Variants in CLEC7A observed in about 807,000 individuals in gnomAD.
CLEC7A encodes the protein C-type lectin domain family 7 member A.
CLEC7A carries 25 observed loss-of-function variants against 26.9 expected under a neutral mutation model. That is an observed-to-expected ratio of 0.93 (90% CI 0.68 to 1.30). CLEC7A has a LOEUF of 1.30. Ranked by LOEUF, CLEC7A falls within the 50% of genes most tolerant of loss-of-function variation. The pLI is 0.00. For missense variants in CLEC7A, 275 were observed against 286.7 expected (o/e 0.96, Z 0.29); for synonymous variants, 100 against 99.5 (o/e 1.01, Z -0.03).
In CLEC7A at chr12:10,126,961, G is replaced by T. The variant is rs1948310565; in HGVS notation, c.203-253C>A. On this transcript the variant is annotated intron_variant, in intron 2 of 5. Transcript: ENST00000304084. ...AAAAGAAGGTGGAGAAGAAGAAATA[G>T]AATGAGGGAGGCAGCAAGAGGCAAA... 1.3e-5 allele frequency: 13 copies of T among 1,017,488 alleles called. No individual in the cohort carries two copies. The South Asian group carries it at 1.8e-4, about 14-fold the overall frequency. 63.0% of individuals were successfully genotyped at this position (1,017,488 alleles called of 1,614,324 possible). A position where few individuals can be genotyped will look rare whatever the true frequency, so the allele number is the denominator to read the frequency against.
chr12:10,118,541 C>T lies in CLEC7A; in HGVS notation c.661G>A (p.Val221Ile). ...TAAATGACTGACACGTGAATCCATA[C>T]ACAATTTGGAGATGGGTTTTCTTGG... is the stretch of plus-strand genomic sequence containing the variant. ...ATQENPSPNC[V>I]WIHVSVIYDQ... Residue 221 changes from valine (V) to isoleucine (I), a missense_variant, in exon 6 of 6, where the codon GTA (valine) becomes ATA (isoleucine). Transcript: ENST00000304084. 1 of 1,613,110 alleles carries T rather than the reference C, an allele frequency of 6.2e-7. No individual in the cohort carries two copies. The highest frequency in any genetic ancestry group is 1.1e-5 in the South Asian group (1 of 91,066).
rs1947941974 is a variant in CLEC7A at position 10,117,367 on chromosome 12, A to T, written c.*1091T>A. On this transcript the variant is annotated 3_prime_UTR_variant, in exon 6 of 6. Coordinates refer to ENST00000304084, the MANE Select transcript of CLEC7A (RefSeq NM_197947.3). ...GACATGGAGAAACCCTGTCTCTACT[A>T]AAAAAATACAAAATTAGCCGGGTGT... The T allele has an allele frequency of 6.6e-6, 1 of 151,984 alleles. No individual in the cohort carries two copies. Among genetic ancestry groups the T allele is most frequent in the African/African-American group, 2.4e-5 (1 of 41,432 alleles). The allele number at this position is 151,984 out of a possible 1,614,324, so 9.4% of individuals were successfully genotyped here.
At chr12:10,127,221 G>A (rs1208573976) in intron 2 of CLEC7A, 4 of 1,234,276 alleles carry the variant, frequency 3.2e-6, no homozygotes, top group Non-Finnish European at 4.5e-6. Flanking sequence ...ACAAAATATC[G>A]ACTTAAGACC....
chr12:10,126,855 T>G (rs1948304019), intron 2 of CLEC7A, 147 bp from the exon 3 acceptor site: 1 of 666,646 alleles, frequency 1.5e-6, no homozygotes, highest in Non-Finnish European at 2.4e-6. Flanking sequence ...TGTGGAGAGA[T>G]AAAGACGATT....
At position 10,128,872 on chromosome 12, in the gene CLEC7A, A is replaced by C. The variant is rs773167616; in HGVS notation, c.104-1027T>G. Among the ~76,000 whole-genome samples, 41 of 152,236 alleles carry C rather than the reference A, an allele frequency of 2.7e-4. 1 individual carries two copies. Among genetic ancestry groups the C allele is most frequent in the Non-Finnish European group, 1.2e-4 (8 of 68,040 alleles). On this transcript the variant is annotated intron_variant, in intron 1 of 5. Coordinates refer to ENST00000304084, the MANE Select transcript of CLEC7A (RefSeq NM_197947.3). ...ATATTTGTGCAGTGTGAATAACCAG[A>C]AAGCAGAAGAAAGCAAACTCTGGTG...
chr12:10,129,714 T>C (rs923394990), intron 1 of CLEC7A, among the ~76,000 whole-genome samples: 1 of 152,098 alleles, frequency 6.6e-6, no homozygotes, highest in African/African-American at 2.4e-5. Context: ...ACCTCCCAGG[T>C]TCAAGTGATT....
intron 5 of CLEC7A, among the ~76,000 whole-genome samples, chr12:10,120,737 G>C (rs56291766): frequency 7.2e-5 from 10 of 139,208 alleles, no homozygotes; most frequent in African/African-American, 2.1e-4. Flanking sequence ...CCAAGGGCTA[G>C]TTTTTTCTTT....
Position 10,123,303 on chromosome 12 carries a change from G to A in CLEC7A, c.553C>T (p.Arg185Trp). The A allele has an allele frequency of 1.9e-6, 3 of 1,613,648 alleles. No homozygotes were observed. Among genetic ancestry groups the A allele is most frequent in the South Asian group, 1.1e-5 (1 of 91,052 alleles). Residue 185 changes from arginine to tryptophan, a missense_variant, in exon 5 of 6, where the codon CGG (arginine) becomes TGG (tryptophan). By Grantham distance (101) the Arg-to-Trp change is moderately radical (BLOSUM62 -3). Coordinates refer to ENST00000304084, the MANE Select transcript of CLEC7A (RefSeq NM_197947.3). The part of the protein sequence containing the change: ...PDNSFWIGLS[R>W]PQTEVPWLWE... Reference sequence around the variant, plus strand: ...AGCCATGGTACCTCAGTCTGGGGCCGAGAAAGGCCTATCCAAAATGAATTA... The same window carrying A: ...AGCCATGGTACCTCAGTCTGGGGCCAAGAAAGGCCTATCCAAAATGAATTA...
Position 10,126,692 on chromosome 12 carries a change from A to C in CLEC7A, c.219T>G (p.Asn73Lys), listed in dbSNP as rs1382581571. The C allele has an allele frequency of 2.5e-6, 4 of 1,611,526 alleles. No individual in the cohort carries two copies. The highest frequency in any genetic ancestry group is 1.7e-5 in the Admixed American group (1 of 59,434). Reference sequence around the variant, plus strand: ...CATTCTCCAATGTGTTGCTTCCTGAATTGGATCTCCAAATAGCTTCACATA... The same window carrying C: ...CATTCTCCAATGTGTTGCTTCCTGACTTGGATCTCCAAATAGCTTCACATA... The part of the protein sequence containing the change: ...VLGTMAIWRS[N>K]SGSNTLENGY... The change falls in exon 3 of 6, where the codon AAT becomes AAG. Residue 73 changes from asparagine (N) to lysine (K), a missense_variant. Physicochemically the swap from Asn to Lys is moderately conservative, Grantham distance 94 (BLOSUM62 0). Transcript: ENST00000304084.
At position 10,117,194 on chromosome 12, in the gene CLEC7A, A is replaced by C. The variant is rs962288666; in HGVS notation, c.*1264T>G. On this transcript the variant is annotated 3_prime_UTR_variant, in exon 6 of 6. Transcript: ENST00000304084. ...ATGTATTTTTGTATTTAAAAAGCAGAAAACTTTCCTATGAGAGCAGTTTCC... is the reference window on the plus strand; with the variant it reads ...ATGTATTTTTGTATTTAAAAAGCAGCAAACTTTCCTATGAGAGCAGTTTCC... 6.6e-6 allele frequency: 1 copy of C among 152,234 alleles called. No individual in the cohort carries two copies. Among genetic ancestry groups the C allele is most frequent in the Non-Finnish European group, 1.5e-5 (1 of 68,032 alleles). The allele number at this position is 152,234 out of a possible 1,614,324, so 9.4% of individuals were successfully genotyped here. A position where few individuals can be genotyped will look rare whatever the true frequency, so the allele number is the denominator to read the frequency against.
In CLEC7A at chr12:10,124,396, A is replaced by C. The variant is rs141973245; in HGVS notation, c.492+901T>G. Among the ~76,000 whole-genome samples the C allele has an allele frequency of 1.5e-3, 221 of 152,354 alleles. 3 individuals are homozygous for C. In the East Asian group the frequency reaches 0.032, roughly 22 times the overall value. ...TTAACCCCTTATCTTACCTCATTGA[A>C]GCTCTACCCTTCATTCATGATGTGT... On this transcript the variant is annotated intron_variant, in intron 4 of 5. Transcript: ENST00000304084.
chr12:10,125,252 T>C (rs1279835872), intron 4 of CLEC7A, 45 bp downstream of exon 4: 4 of 1,551,956 alleles, frequency 2.6e-6, no homozygotes, highest in East Asian at 2.3e-5. Context: ...CTATCTTCCT[T>C]CAGGATACAC....
intron 3 of CLEC7A, among the ~76,000 whole-genome samples, chr12:10,125,822 A>C (rs1030463033): frequency 1.1e-4 from 16 of 152,208 alleles, no homozygotes; most frequent in Non-Finnish European, 2.4e-4. Flanking sequence ...TACTTATTTT[A>C]TGATGTAAGA....
intron 1 of CLEC7A, among the ~76,000 whole-genome samples, chr12:10,129,242 A>C (rs1948409125): frequency 6.6e-6 from 1 of 152,122 alleles, no homozygotes; most frequent in Non-Finnish European, 1.5e-5. Flanking sequence ...ATCTCTTACC[A>C]CAAAAAAAAA....
intron 3 of CLEC7A, 23 bp from the exon 4 acceptor site, chr12:10,125,471 A>G (rs565247139): frequency 1.3e-6 from 2 of 1,598,560 alleles, no homozygotes; most frequent in Admixed American, 1.7e-5. Context: ...GATTAGTACC[A>G]TGAGGTTCAT....
chr12:10,129,924 T>G, intron 1 of CLEC7A, 56 bp downstream of exon 1: 1 of 1,056,532 alleles, frequency 9.5e-7, no homozygotes, highest in Non-Finnish European at 1.5e-6. Context: ...AGCCTCCCCT[T>G]ATATCTTTTC....
chr12:10,127,663 A>T (rs754660130), intron 2 of CLEC7A, 84 bp downstream of exon 2: 1 of 1,025,482 alleles, frequency 9.8e-7, no homozygotes, highest in African/African-American at 1.6e-5. Flanking sequence ...TAGATTATGC[A>T]TGTCAAGCCC....
In CLEC7A at chr12:10,121,737, A is replaced by G. The variant is rs577063270; in HGVS notation, c.611+1508T>C. ...AAAGGAAGGCTTAAATTCATGAGGC[A>G]AGCACCCAATACGAGAAGTTTGAGA... On this transcript the variant is annotated intron_variant, in intron 5 of 5. Coordinates refer to ENST00000304084, the MANE Select transcript of CLEC7A (RefSeq NM_197947.3). Among the ~76,000 whole-genome samples, 13 of 152,372 alleles carry G rather than the reference A, an allele frequency of 8.5e-5. No homozygotes were observed. In the South Asian group the frequency reaches 2.7e-3, roughly 32 times the overall value.
rs372400404 is a variant in CLEC7A at position 10,123,767 on chromosome 12, C to CAAAAA, written c.493-409_493-405dup. The stretch of plus-strand genomic sequence containing the variant: ...TGGGCGACAGAGCGAGACTCCGTCT[C>CAAAAA]AAAAAAAAAAAAAAGAATGCATGCC... On this transcript the variant is annotated intron_variant, in intron 4 of 5. Coordinates refer to ENST00000304084, the MANE Select transcript of CLEC7A (RefSeq NM_197947.3). Among the ~76,000 whole-genome samples, 10 of 124,680 alleles carry CAAAAA rather than the reference C, an allele frequency of 8.0e-5. 1 individual carries two copies. Among genetic ancestry groups the CAAAAA allele is most frequent in the South Asian group, 2.5e-4 (1 of 4,054 alleles). The allele number at this position is 124,680 out of a possible 152,430, so 81.8% of individuals were successfully genotyped here.
Sources: gnomAD v4.1 joint callset for allele counts (sites outside exome capture counted in the v4.1 genomes callset) on GRCh38, gnomAD v4.1.1 for gene constraint, MANE v1.5 for transcripts, NCBI Gene and HGNC (gene_info 2026-07-23, HGNC 2026-07-21) for gene names.